Variants in LRRTM3 observed in about 807,000 individuals in gnomAD.
LRRTM3 encodes the protein leucine-rich repeat transmembrane neuronal protein 3.
LRRTM3 carries 24 observed loss-of-function variants against 44.7 expected under a neutral mutation model. The observed-to-expected ratio is 0.54, with a 90% CI of 0.39 to 0.76. The LOEUF is 0.76. LRRTM3 is among the 30% of genes least tolerant of loss of function. The probability of loss-of-function intolerance (pLI) is 0.00; values close to 1 mark genes in which losing one functional copy is unlikely to be tolerated. For synonymous variants in LRRTM3, 277 were observed against 278.7 expected (o/e 0.99, Z 0.06); for missense variants, 587 against 702.2 (o/e 0.84, Z 1.85).
At chr10:66,960,756 A>C (rs1030266256) in intron 2 of LRRTM3, among the ~76,000 whole-genome samples, 3 of 152,176 alleles carry the variant, frequency 2.0e-5, no homozygotes, top group African/African-American at 7.2e-5. Context: ...ATGGCATAGG[A>C]TCTATGGTGG....
intron 2 of LRRTM3, among the ~76,000 whole-genome samples, chr10:66,992,726 T>A (rs963614204): frequency 4.6e-5 from 7 of 152,278 alleles, no homozygotes; most frequent in East Asian, 3.9e-4. Flanking sequence ...GTTGTTTGTA[T>A]TTTTTCATAA....
chr10:66,933,615 G>A (rs1021933694), intron 2 of LRRTM3, among the ~76,000 whole-genome samples: 1 of 152,098 alleles, frequency 6.6e-6, no homozygotes, highest in Non-Finnish European at 1.5e-5. Context: ...CTGCTCTGAT[G>A]TTTCTCCCCT....
At chr10:67,093,558 G>T (rs77399334) in intron 2 of LRRTM3, among the ~76,000 whole-genome samples, 13,159 of 151,838 alleles carry the variant, frequency 0.087, 629 homozygotes, top group Middle Eastern at 0.12. Flanking sequence ...GATCTACAAG[G>T]TTGAGTCAAA....
chr10:66,984,036 G>A (rs1850593102), intron 2 of LRRTM3, among the ~76,000 whole-genome samples: 1 of 152,104 alleles, frequency 6.6e-6, no homozygotes. Context: ...GTGCCATGTG[G>A]TAAGTGACAT....
intron 2 of LRRTM3, among the ~76,000 whole-genome samples, chr10:67,094,448 T>C (rs1170654090): frequency 6.6e-6 from 1 of 151,814 alleles, no homozygotes; most frequent in Admixed American, 6.6e-5. Flanking sequence ...ATCTAGTAAA[T>C]TATTATTTAT....
chr10:66,981,342 C>A (rs866257231), intron 2 of LRRTM3, among the ~76,000 whole-genome samples: 1 of 152,200 alleles, frequency 6.6e-6, no homozygotes, highest in Admixed American at 6.5e-5. Flanking sequence ...GATTAGACCT[C>A]CTGCTTTAAA....
At chr10:67,023,455 A>T (rs1210680215) in intron 2 of LRRTM3, among the ~76,000 whole-genome samples, 1 of 152,136 alleles carries the variant, frequency 6.6e-6, no homozygotes, top group Non-Finnish European at 1.5e-5. Flanking sequence ...TGGATCTTCT[A>T]TAGAGAACGA....
intron 2 of LRRTM3, among the ~76,000 whole-genome samples, chr10:66,964,003 T>G (rs992602459): frequency 1.3e-5 from 2 of 151,814 alleles, no homozygotes; most frequent in African/African-American, 4.8e-5. Context: ...TGCACCACCA[T>G]GCCCAGCTAA....
intron 2 of LRRTM3, among the ~76,000 whole-genome samples, chr10:67,086,572 G>T (rs771810012): frequency 6.6e-6 from 1 of 151,924 alleles, no homozygotes; most frequent in Admixed American, 6.6e-5. Flanking sequence ...TGTCAAAAAC[G>T]TAGTCTGTTT....
chr10:66,965,745 CTCAG>C (rs752289210), intron 2 of LRRTM3, among the ~76,000 whole-genome samples: 14 of 151,966 alleles, frequency 9.2e-5, no homozygotes, highest in Non-Finnish European at 1.8e-4. Context: ...TATTTCTTTG[CTCAG>C]TCAAAGGCCG....
intron 2 of LRRTM3, among the ~76,000 whole-genome samples, chr10:67,038,487 AG>A (rs1232420700): frequency 6.6e-6 from 1 of 152,130 alleles, no homozygotes; most frequent in Non-Finnish European, 1.5e-5. Flanking sequence ...GCTCAGGAAA[AG>A]GACAACTCAT....
chr10:66,946,003 T>C (rs1001894706), intron 2 of LRRTM3, among the ~76,000 whole-genome samples: 1 of 152,082 alleles, frequency 6.6e-6, no homozygotes, highest in Non-Finnish European at 1.5e-5. Flanking sequence ...GATATAATAA[T>C]CATGAAAATG....
chr10:67,032,272 T>A (rs569885699), intron 2 of LRRTM3, among the ~76,000 whole-genome samples: 23 of 152,298 alleles, frequency 1.5e-4, no homozygotes, highest in Admixed American at 1.4e-3. Flanking sequence ...ATTGCTTTTT[T>A]TTTGTTTGTT....
chr10:67,046,822 G>A (rs1445694311), intron 2 of LRRTM3, among the ~76,000 whole-genome samples: 3 of 152,048 alleles, frequency 2.0e-5, no homozygotes, highest in Admixed American at 6.6e-5. Flanking sequence ...GCCCATAATC[G>A]AAGCTTTCAA....
At chr10:67,009,960 T>C (rs542321381) in intron 2 of LRRTM3, among the ~76,000 whole-genome samples, 74 of 152,300 alleles carry the variant, frequency 4.9e-4, no homozygotes, top group South Asian at 3.9e-3. Context: ...GCAAGAACCC[T>C]GTCATTCTAG....
chr10:66,929,136 A>G (rs372111749), intron 2 of LRRTM3, among the ~76,000 whole-genome samples: 1 of 152,208 alleles, frequency 6.6e-6, no homozygotes, highest in Non-Finnish European at 1.5e-5. Context: ...GATGACAAAA[A>G]TGTAAAGTTT....
intron 2 of LRRTM3, among the ~76,000 whole-genome samples, chr10:67,086,514 A>G (rs927089200): frequency 1.3e-5 from 2 of 152,006 alleles, no homozygotes; most frequent in African/African-American, 4.8e-5. Flanking sequence ...GCTCCTCTGC[A>G]ATATCCAAGT....
rs899984746 is a variant in LRRTM3, at chr10:67,018,373, C to T, written c.1537-79214C>T. Among the ~76,000 whole-genome samples the T allele has an allele frequency of 3.9e-5, 6 of 152,184 alleles. No homozygotes were observed. The East Asian group carries it at 9.6e-4, about 24-fold the overall frequency. ...ACCCAACTTTTTAAAGGCAACACCC[C>T]TTAAGTCTTATCAGCATATTCAAAT... is the stretch of plus-strand genomic sequence containing the variant. On this transcript the variant is annotated intron_variant, in intron 2 of 2. Transcript: ENST00000361320.
chr10:66,951,566 A>C (rs148305758), intron 2 of LRRTM3, among the ~76,000 whole-genome samples: 285 of 152,324 alleles, frequency 1.9e-3, no homozygotes, highest in Non-Finnish European at 3.4e-3. Flanking sequence ...TTTAAGTAAT[A>C]TATTGAAGAT....
Sources: allele counts gnomAD v4.1 joint callset (sites outside exome capture counted in the v4.1 genomes callset), GRCh38; gene constraint gnomAD v4.1.1; transcripts MANE v1.5; gene names NCBI Gene and HGNC (gene_info 2026-07-23, HGNC 2026-07-21).